The following SMYD3 variants were observed in gnomAD, a reference collection of about 807,000 sequenced individuals.
SMYD3 encodes the protein histone-lysine N-methyltransferase SMYD3.
Under a neutral mutation model 57.7 loss-of-function variants are expected in SMYD3, and 36 were observed. The observed-to-expected ratio is 0.62, with a 90% CI of 0.48 to 0.82. The LOEUF (loss-of-function observed/expected upper bound fraction) is 0.82, where lower values mean the gene tolerates loss of function less well. Among genes scored for constraint, SMYD3 ranks in the 40% least tolerant of loss-of-function variants. The probability of loss-of-function intolerance (pLI) is 0.00; values close to 1 mark genes in which losing one functional copy is unlikely to be tolerated. For synonymous variants in SMYD3, 211 were observed against 195.0 expected, an observed-to-expected ratio of 1.08 and a Z score of -0.68; for missense variants, 515 against 538.8, an observed-to-expected ratio of 0.96 and a Z score of 0.44.
At position 246,159,563 on chromosome 1, in the gene SMYD3, A is replaced by C. The variant is rs543407691; in HGVS notation, c.531+167638T>G. 1.9e-3 allele frequency among the ~76,000 whole-genome samples: 276 copies of C among 146,712 alleles called. 3 individuals carry two copies. Among genetic ancestry groups the C allele is most frequent in the African/African-American group, 6.5e-3 (263 of 40,544 alleles). ...CATGAATGGGCCTTTTGTAGCCCCG[A>C]AAAAAAAAAAAATTGAAACTCTGTT... is the stretch of plus-strand genomic sequence containing the variant. On this transcript the variant is annotated intron_variant, in intron 5 of 11. Transcript: ENST00000490107.
chr1:245,918,217 C>T (rs993847930), intron 7 of SMYD3, among the ~76,000 whole-genome samples: 3 of 152,198 alleles, frequency 2.0e-5, no homozygotes, highest in African/African-American at 2.4e-5. Flanking sequence ...CAGACAATGA[C>T]GTTACTGAGT....
intron 5 of SMYD3, among the ~76,000 whole-genome samples, chr1:246,223,514 C>T (rs1558327670): frequency 6.6e-6 from 1 of 152,066 alleles, no homozygotes; most frequent in African/African-American, 2.4e-5. Flanking sequence ...TTTAGGGAGG[C>T]ATATAGCACT....
intron 5 of SMYD3, among the ~76,000 whole-genome samples, chr1:245,984,135 G>C (rs1192515470): frequency 6.6e-6 from 1 of 151,864 alleles, no homozygotes; most frequent in Non-Finnish European, 1.5e-5. Flanking sequence ...AAGTAGCTGG[G>C]ATTACAGGCG....
At chr1:246,146,043 C>T (rs1175293648) in intron 5 of SMYD3, among the ~76,000 whole-genome samples, 1 of 152,168 alleles carries the variant, frequency 6.6e-6, no homozygotes, top group Non-Finnish European at 1.5e-5. Flanking sequence ...TATTCACAGG[C>T]TGATCGAAGT....
intron 5 of SMYD3, among the ~76,000 whole-genome samples, chr1:246,228,316 G>A (rs926738268): frequency 2.0e-5 from 3 of 152,108 alleles, no homozygotes; most frequent in Non-Finnish European, 4.4e-5. Flanking sequence ...CCTAAAGCAG[G>A]GCAATTCAAC....
chr1:245,853,683 T>C (rs1014141780), intron 10 of SMYD3, among the ~76,000 whole-genome samples: 1 of 151,842 alleles, frequency 6.6e-6, no homozygotes, highest in Admixed American at 6.6e-5. Flanking sequence ...GGAAATCTCA[T>C]AGTTTATCAA....
chr1:245,912,699 A>T (rs2055086931), intron 8 of SMYD3, among the ~76,000 whole-genome samples: 1 of 152,162 alleles, frequency 6.6e-6, no homozygotes, highest in Admixed American at 6.5e-5. Flanking sequence ...ACAATTAAAT[A>T]CACATTATTT....
intron 5 of SMYD3, among the ~76,000 whole-genome samples, chr1:245,972,070 A>G (rs554440714): frequency 2.5e-4 from 38 of 152,342 alleles, no homozygotes; most frequent in Admixed American, 7.2e-4. Context: ...GGAAGGGGGC[A>G]CTGATCTGAA....
intron 5 of SMYD3, among the ~76,000 whole-genome samples, chr1:246,058,183 A>C (rs559268271): frequency 7.5e-4 from 114 of 152,316 alleles, no homozygotes; most frequent in African/African-American, 2.6e-3. Flanking sequence ...CCAAACACGG[A>C]ATGTACAACA....
chr1:246,113,041 G>T (rs2086600325), intron 5 of SMYD3, among the ~76,000 whole-genome samples: 1 of 152,058 alleles, frequency 6.6e-6, no homozygotes, highest in African/African-American at 2.4e-5. Flanking sequence ...AGTTAGCCAG[G>T]TGTGGTGGTA....
intron 5 of SMYD3, among the ~76,000 whole-genome samples, chr1:245,965,954 G>T (rs2058134552): frequency 6.6e-6 from 1 of 152,154 alleles, no homozygotes; most frequent in Non-Finnish European, 1.5e-5. Context: ...GGATGTTTAT[G>T]ATGATGGGAG....
rs570778026 is a variant in SMYD3 at position 246,215,962 on chromosome 1, G to A, written c.531+111239C>T. Among the ~76,000 whole-genome samples, 20 of 152,222 alleles carry A rather than the reference G, an allele frequency of 1.3e-4. No individual in the cohort carries two copies. The East Asian group carries it at 3.5e-3, about 26-fold the overall frequency. ...ATAACTCACAAGGAAACCGAATAGAGAGCGAAAGATGGAGCACTCTGGACT... is the reference window on the plus strand; with the variant it reads ...ATAACTCACAAGGAAACCGAATAGAAAGCGAAAGATGGAGCACTCTGGACT... On this transcript the variant is annotated intron_variant, in intron 5 of 11. Coordinates refer to ENST00000490107, the MANE Select transcript of SMYD3 (RefSeq NM_001167740.2).
intron 5 of SMYD3, among the ~76,000 whole-genome samples, chr1:246,108,385 G>A (rs572570478): frequency 3.3e-5 from 5 of 152,228 alleles, no homozygotes; most frequent in South Asian, 2.1e-4. Context: ...GAAAATTACC[G>A]TACTTAAAAT....
At chr1:246,368,498 A>G (rs2066143744) in intron 1 of SMYD3, among the ~76,000 whole-genome samples, 1 of 152,316 alleles carries the variant, frequency 6.6e-6, no homozygotes, top group East Asian at 1.9e-4. Flanking sequence ...TCTACAACAC[A>G]TTCCTATATA....
rs117613438 is a variant in SMYD3, at chr1:245,859,808, G to A, written c.902-1138C>T. ...AGAAATGGCAGCCTAGCCTTTGACT[G>A]TAGTAAAGCTAGATTCAGATCTAAT... On this transcript the variant is annotated intron_variant, in intron 9 of 11. Transcript: ENST00000490107. 1.3e-3 allele frequency among the ~76,000 whole-genome samples: 198 copies of A among 152,346 alleles called. 3 individuals are homozygous for A. The East Asian group carries it at 0.031, about 24-fold the overall frequency.
At chr1:246,438,330 G>T (rs552649702) in intron 1 of SMYD3, among the ~76,000 whole-genome samples, 2 of 152,200 alleles carry the variant, frequency 1.3e-5, no homozygotes, top group African/African-American at 4.8e-5. Flanking sequence ...CAAATATATC[G>T]TATGATCAGA....
chr1:245,835,830 A>C (rs1352743589), intron 10 of SMYD3, among the ~76,000 whole-genome samples: 1 of 152,200 alleles, frequency 6.6e-6, no homozygotes, highest in East Asian at 1.9e-4. Flanking sequence ...GCAGGAGGCC[A>C]AGGTGTTTGA....
At chr1:246,186,149 AAAT>A (rs1437456129) in intron 5 of SMYD3, among the ~76,000 whole-genome samples, 1 of 152,214 alleles carries the variant, frequency 6.6e-6, no homozygotes, top group Non-Finnish European at 1.5e-5. Flanking sequence ...CTGTAAAGCA[AAAT>A]AATGATTCTC....
chr1:246,001,067 C>T lies in SMYD3; in HGVS notation c.532-71130G>A, dbSNP rs147557421. ...TCACTCAAGTCTTACGAAATGAGGC[C>T]GCTGTCCTGCGCCCCCGACGAGGAG... On this transcript the variant is annotated intron_variant, in intron 5 of 11. Coordinates refer to ENST00000490107, the MANE Select transcript of SMYD3 (RefSeq NM_001167740.2). Among the ~76,000 whole-genome samples, 645 of 152,232 alleles carry T rather than the reference C, an allele frequency of 4.2e-3. 6 individuals are homozygous for T. Among genetic ancestry groups the T allele is most frequent in the African/African-American group, 0.014 (585 of 41,546 alleles).
Sources: allele counts gnomAD v4.1 joint callset (sites outside exome capture counted in the v4.1 genomes callset), GRCh38; gene constraint gnomAD v4.1.1; transcripts MANE v1.5; gene names NCBI Gene and HGNC (gene_info 2026-07-23, HGNC 2026-07-21).